Variants in CFAP418 observed in about 807,000 individuals in gnomAD.
CFAP418 encodes the protein cilia- and flagella-associated protein 418.
In CFAP418, 27 loss-of-function variants were observed where a neutral mutation model predicts 24.7. The ratio of observed to expected loss-of-function variants is 1.09; its 90% CI spans 0.81 to 1.51. CFAP418 has a LOEUF of 1.51. CFAP418 is among the 40% of genes most tolerant of loss of function. The probability of loss-of-function intolerance (pLI) is 0.00; values close to 1 mark genes in which losing one functional copy is unlikely to be tolerated. For missense variants in CFAP418, 257 were observed against 255.2 expected (o/e 1.01, Z -0.05); for synonymous variants, 74 against 87.3 (o/e 0.85, Z 0.85).
chr8:95,265,006 A>G (rs1321687836), intron 1 of CFAP418, among the ~76,000 whole-genome samples: 2 of 152,220 alleles, frequency 1.3e-5, no homozygotes, highest in African/African-American at 2.4e-5. Flanking sequence ...AATAGTCTAT[A>G]TCCACGATTT....
At chr8:95,250,848 C>T (rs1811695037) in intron 5 of CFAP418, among the ~76,000 whole-genome samples, 2 of 152,046 alleles carry the variant, frequency 1.3e-5, no homozygotes, top group African/African-American at 4.8e-5. Context: ...ATAAGATTTG[C>T]AAAGTGGTTC....
chr8:95,262,023 T>C (rs916692438), intron 2 of CFAP418, among the ~76,000 whole-genome samples: 1 of 152,240 alleles, frequency 6.6e-6, no homozygotes, highest in African/African-American at 2.4e-5. Context: ...AGGTGACCCT[T>C]GAACAACATG....
At position 95,246,897 on chromosome 8, in the gene CFAP418, G is replaced by A. The variant is rs1337792942; in HGVS notation, c.*720C>T. 1 of 152,128 alleles carries A rather than the reference G, an allele frequency of 6.6e-6. No homozygotes were observed. Among genetic ancestry groups the A allele is most frequent in the Non-Finnish European group, 1.5e-5 (1 of 68,026 alleles). The allele number at this position is 152,128 out of a possible 1,614,324, so 9.4% of individuals were successfully genotyped here. ...TCCAACAATAACCTGTATGTATTAG[G>A]ATTTTTGTGATTTTGGGTGCATCAA... On this transcript the variant is annotated 3_prime_UTR_variant, in exon 6 of 6. Transcript: ENST00000286688.
chr8:95,268,419 G>C (rs1030449871), intron 1 of CFAP418, among the ~76,000 whole-genome samples: 1 of 152,070 alleles, frequency 6.6e-6, no homozygotes, highest in African/African-American at 2.4e-5. Flanking sequence ...AGGCTGCAGT[G>C]AGCTACGATC....
intron 2 of CFAP418, 40 bp downstream of exon 2, chr8:95,263,644 AAAT>A: frequency 8.0e-7 from 1 of 1,246,354 alleles, no homozygotes; most frequent in South Asian, 1.2e-5. Context: ...ACATGTCTTG[AAAT>A]AATGACAGAA....
chr8:95,249,490 C>T (rs1410548641), intron 5 of CFAP418, among the ~76,000 whole-genome samples: 1 of 152,060 alleles, frequency 6.6e-6, no homozygotes, highest in African/African-American at 2.4e-5. Flanking sequence ...TGGTGAGACC[C>T]CATCTCTACA....
At position 95,260,436 on chromosome 8, in the gene CFAP418, G is replaced by A. The variant is rs768446715; in HGVS notation, c.308+32C>T. 11 of 1,470,854 alleles carry A rather than the reference G, an allele frequency of 7.5e-6. No individual in the cohort carries two copies. The South Asian group carries it at 1.1e-4, about 15-fold the overall frequency. The allele number at this position is 1,470,854 out of a possible 1,614,324, so 91.1% of individuals were successfully genotyped here. A position where few individuals can be genotyped will look rare whatever the true frequency, so the allele number is the denominator to read the frequency against. ...ATGCTCATAGTGTTTGCTCAATAGT[G>A]TGTATAATTCACCAAAGCAATCTCA... On this transcript the variant is annotated intron_variant, in intron 3 of 5. Transcript: ENST00000286688.
At chr8:95,256,031 C>T (rs373549025) in intron 4 of CFAP418, among the ~76,000 whole-genome samples, 19 of 152,150 alleles carry the variant, frequency 1.2e-4, no homozygotes, top group Admixed American at 5.9e-4. Context: ...TAATTGATTT[C>T]GGCATCCCAC....
In CFAP418 at chr8:95,247,503, T is replaced by C; in HGVS notation, c.*114A>G. On this transcript the variant is annotated 3_prime_UTR_variant, in exon 6 of 6. Transcript: ENST00000286688. ...ATGTATGTAGTTGTATCAATAAAAT[T>C]CACTGCCTTTTCCCACAGGGAATGG... is the stretch of plus-strand genomic sequence containing the variant. 8.1e-7 allele frequency: 1 copy of C among 1,235,374 alleles called. No homozygotes were observed. The highest frequency in any genetic ancestry group is 1.2e-6 in the Non-Finnish European group (1 of 868,984). The allele number at this position is 1,235,374 out of a possible 1,614,324, so 76.5% of individuals were successfully genotyped here.
intron 1 of CFAP418, among the ~76,000 whole-genome samples, chr8:95,264,885 T>A (rs747928751): frequency 9.2e-5 from 14 of 152,336 alleles, no homozygotes; most frequent in Non-Finnish European, 1.9e-4. Context: ...TTTCACTGTA[T>A]ACTGGTTTCT....
At chr8:95,268,312 T>A (rs889594913) in intron 1 of CFAP418, among the ~76,000 whole-genome samples, 7 of 151,988 alleles carry the variant, frequency 4.6e-5, no homozygotes, top group African/African-American at 1.7e-4. Context: ...GGCTCGTGCC[T>A]GTAATCCCAG....
At chr8:95,261,973 A>G (rs1400215746) in intron 2 of CFAP418, among the ~76,000 whole-genome samples, 1 of 152,246 alleles carries the variant, frequency 6.6e-6, no homozygotes, top group Non-Finnish European at 1.5e-5. Flanking sequence ...GTGCTTATGC[A>G]CTTACTCAGT....
intron 2 of CFAP418, among the ~76,000 whole-genome samples, chr8:95,262,024 GAAC>G (rs1310675804): frequency 6.6e-6 from 1 of 152,204 alleles, no homozygotes; most frequent in African/African-American, 2.4e-5. Context: ...GGTGACCCTT[GAAC>G]AACATGCGTT....
At chr8:95,264,234 C>T (rs1272304086) in intron 1 of CFAP418, among the ~76,000 whole-genome samples, 2 of 152,222 alleles carry the variant, frequency 1.3e-5, no homozygotes, top group South Asian at 2.1e-4. Context: ...CAAATGACCA[C>T]CTCCACCCCA....
In CFAP418 at chr8:95,246,366, C is replaced by T. The variant is rs991202700; in HGVS notation, c.*1251G>A. The T allele has an allele frequency of 6.6e-6, 1 of 152,188 alleles. No homozygotes were observed. Among genetic ancestry groups the T allele is most frequent in the Non-Finnish European group, 1.5e-5 (1 of 68,036 alleles). The allele number at this position is 152,188 out of a possible 1,614,324, so 9.4% of individuals were successfully genotyped here. A position where few individuals can be genotyped will look rare whatever the true frequency, so the allele number is the denominator to read the frequency against. On this transcript the variant is annotated 3_prime_UTR_variant, in exon 6 of 6. Coordinates refer to ENST00000286688, the MANE Select transcript of CFAP418 (RefSeq NM_177965.4). ...TTCTGTTGCAATGCTAGACTTACTA[C>T]AATAAATTTTACAAGTATGTAAATG...
chr8:95,259,480 A>G (rs1351468932), intron 4 of CFAP418, among the ~76,000 whole-genome samples: 3 of 152,206 alleles, frequency 2.0e-5, no homozygotes, highest in Non-Finnish European at 4.4e-5. Flanking sequence ...GTAGCTTTGC[A>G]TGCTAATTGG....
intron 4 of CFAP418, among the ~76,000 whole-genome samples, chr8:95,254,919 C>T (rs1811763215): frequency 6.6e-6 from 1 of 152,176 alleles, no homozygotes; most frequent in Non-Finnish European, 1.5e-5. Context: ...TCATTCTTAA[C>T]AACTTTCTTT....
chr8:95,252,156 T>G (rs375458640), intron 5 of CFAP418, 32 bp downstream of exon 5: 14 of 1,524,382 alleles, frequency 9.2e-6, no homozygotes, highest in Non-Finnish European at 1.3e-5. Flanking sequence ...TACTTGGTAC[T>G]TTTTTCAGAG....
intron 1 of CFAP418, among the ~76,000 whole-genome samples, chr8:95,264,865 C>G (rs62524388): frequency 0.14 from 20,931 of 152,060 alleles, 1,676 homozygotes; most frequent in South Asian, 0.24. Context: ...TAACTTTTAC[C>G]CTTAATGTCT....
Sources: gnomAD v4.1 joint callset for allele counts (sites outside exome capture counted in the v4.1 genomes callset) on GRCh38, gnomAD v4.1.1 for gene constraint, MANE v1.5 for transcripts, NCBI Gene and HGNC (gene_info 2026-07-23, HGNC 2026-07-21) for gene names.